Variants in PPP1R16B observed in about 807,000 individuals in gnomAD.
PPP1R16B encodes the protein protein phosphatase 1 regulatory subunit 16B.
PPP1R16B carries 14 observed loss-of-function variants against 61.7 expected under a neutral mutation model. The ratio of observed to expected loss-of-function variants is 0.23; its 90% CI spans 0.15 to 0.35. The LOEUF (loss-of-function observed/expected upper bound fraction) is 0.35, where lower values mean the gene tolerates loss of function less well. Ranked by LOEUF, PPP1R16B falls within the 10% of genes least tolerant of loss-of-function variation. The pLI is 1.00. For synonymous variants in PPP1R16B, 266 were observed against 305.3 expected (o/e 0.87, Z 1.34); for missense variants, 547 against 752.5 (o/e 0.73, Z 3.19).
At chr20:38,812,075 A>G (rs1316841204) in intron 1 of PPP1R16B, among the ~76,000 whole-genome samples, 1 of 152,224 alleles carries the variant, frequency 6.6e-6, no homozygotes, top group Non-Finnish European at 1.5e-5. Context: ...AACATTTTGA[A>G]TAGGCAGAAG....
At chr20:38,917,189 G>A (rs1169303455) in intron 10 of PPP1R16B, among the ~76,000 whole-genome samples, 4 of 151,836 alleles carry the variant, frequency 2.6e-5, no homozygotes, top group Non-Finnish European at 4.4e-5. Flanking sequence ...CCAGCTACTC[G>A]GGAGGCTGAG....
At chr20:38,860,456 G>A (rs770370593) in intron 2 of PPP1R16B, among the ~76,000 whole-genome samples, 1 of 152,226 alleles carries the variant, frequency 6.6e-6, no homozygotes, top group Non-Finnish European at 1.5e-5. Flanking sequence ...ATTCAGATTA[G>A]CCATATTTCA....
chr20:38,812,235 G>A (rs1386540468), intron 1 of PPP1R16B, among the ~76,000 whole-genome samples: 1 of 152,200 alleles, frequency 6.6e-6, no homozygotes, highest in African/African-American at 2.4e-5. Context: ...TTTTACCCAT[G>A]TAGATACAGG....
At chr20:38,846,989 G>A (rs1281298179) in intron 2 of PPP1R16B, among the ~76,000 whole-genome samples, 1 of 152,116 alleles carries the variant, frequency 6.6e-6, no homozygotes, top group Non-Finnish European at 1.5e-5. Context: ...GTAACAGAGT[G>A]AGACCCTGTC....
Position 38,855,531 on chromosome 20 carries a change from C to T in PPP1R16B, c.250+19356C>T, listed in dbSNP as rs575491827. On this transcript the variant is annotated intron_variant, in intron 2 of 10. Coordinates refer to ENST00000299824, the MANE Select transcript of PPP1R16B (RefSeq NM_015568.4). ...TTCTCCATTTGCTGCCCACGGACGC[C>T]GAAAATAACTTGTTTTCTGGCAAGC... Among the ~76,000 whole-genome samples, 258 of 152,112 alleles carry T rather than the reference C, an allele frequency of 1.7e-3. 2 individuals carry two copies. The highest frequency in any genetic ancestry group is 3.4e-3 in the Middle Eastern group (1 of 294).
Position 38,907,175 on chromosome 20 carries a change from G to C in PPP1R16B, c.898+121G>C. 1.3e-6 allele frequency: 1 copy of C among 764,400 alleles called. No individual in the cohort carries two copies. 47.4% of individuals were successfully genotyped at this position (764,400 alleles called of 1,614,324 possible). ...TGATGGATTGGTGTCTAGATAGATA[G>C]ATGGATTAATTAATGGATGGTAGAT... On this transcript the variant is annotated intron_variant, in intron 8 of 10. Coordinates refer to ENST00000299824, the MANE Select transcript of PPP1R16B (RefSeq NM_015568.4). This position sits in a 1 kb window ranked among gnomAD's most constrained non-coding sequence, Gnocchi z 4.5.
chr20:38,911,981 C>T lies in PPP1R16B; in HGVS notation c.1194+3788C>T, dbSNP rs372466709. On this transcript the variant is annotated intron_variant, in intron 10 of 10. Transcript: ENST00000299824. ...ACACCCAGGAAAGCAGCTGGAGTCACGGGTAGGCATATGTTTAGCTTTAGT... is the reference window on the plus strand; with the variant it reads ...ACACCCAGGAAAGCAGCTGGAGTCATGGGTAGGCATATGTTTAGCTTTAGT... Among the ~76,000 whole-genome samples, 8 of 152,048 alleles carry T rather than the reference C, an allele frequency of 5.3e-5. No homozygotes were observed. In the East Asian group the frequency reaches 9.6e-4, roughly 18 times the overall value.
rs7271835 is a variant in PPP1R16B, at chr20:38,871,239, C to T, written c.251-18356C>T. On this transcript the variant is annotated intron_variant, in intron 2 of 10. Transcript: ENST00000299824. ...CCAGTACCTGAGCGCACATGAACCC[C>T]GTATGCAAGAAGAAAACTGACCCCA... 3.8e-3 allele frequency among the ~76,000 whole-genome samples: 584 copies of T among 152,220 alleles called. 2 individuals are homozygous for T. The highest frequency in any genetic ancestry group is 0.014 in the South Asian group (67 of 4,826).
intron 2 of PPP1R16B, among the ~76,000 whole-genome samples, chr20:38,847,595 G>C (rs1382005009): frequency 6.6e-6 from 1 of 152,218 alleles, no homozygotes; most frequent in Non-Finnish European, 1.5e-5. Flanking sequence ...GACCTCAGGT[G>C]ATCTGCCTGC....
intron 2 of PPP1R16B, among the ~76,000 whole-genome samples, chr20:38,836,740 G>T (rs1469761245): frequency 6.6e-6 from 1 of 152,136 alleles, no homozygotes; most frequent in East Asian, 1.9e-4. Flanking sequence ...GTGTTGCCCA[G>T]GCTGGTCTCA....
chr20:38,821,502 C>T (rs182656538), intron 1 of PPP1R16B, among the ~76,000 whole-genome samples: 4 of 152,312 alleles, frequency 2.6e-5, no homozygotes, highest in Admixed American at 1.3e-4. Flanking sequence ...GGGCTATATA[C>T]ACATTGTCAG....
chr20:38,821,774 A>T (rs1347409045), intron 1 of PPP1R16B, among the ~76,000 whole-genome samples: 1 of 152,050 alleles, frequency 6.6e-6, no homozygotes, highest in Non-Finnish European at 1.5e-5. Flanking sequence ...TTTCCTTTAC[A>T]TTCTTGAGCA....
At chr20:38,812,909 T>C (rs1482445553) in intron 1 of PPP1R16B, among the ~76,000 whole-genome samples, 1 of 152,238 alleles carries the variant, frequency 6.6e-6, no homozygotes, top group Non-Finnish European at 1.5e-5. Flanking sequence ...TTTGGTTTCC[T>C]GCTAAAATGC....
At chr20:38,837,869 T>C (rs2145721259) in intron 2 of PPP1R16B, among the ~76,000 whole-genome samples, 2 of 152,334 alleles carry the variant, frequency 1.3e-5, no homozygotes, top group Middle Eastern at 6.8e-3. Flanking sequence ...ATTTTATGGA[T>C]ACCTTGTACT....
intron 6 of PPP1R16B, among the ~76,000 whole-genome samples, chr20:38,903,437 C>T (rs538136256): frequency 6.6e-6 from 1 of 152,278 alleles, no homozygotes; most frequent in South Asian, 2.1e-4. Context: ...CTCATCAGCT[C>T]CCCTGATATT....
intron 1 of PPP1R16B, among the ~76,000 whole-genome samples, chr20:38,811,403 T>C (rs6101301): frequency 0.67 from 101,079 of 151,994 alleles, 33,900 homozygotes; most frequent in African/African-American, 0.73. Flanking sequence ...TTTCTTCATC[T>C]GGAAATAAAG....
rs2084683504 is a variant in PPP1R16B, at chr20:38,809,319, C to A, written c.-102+3527C>A. ...TTTCCCCGGGGAGTCTGTGAGCAGC[C>A]ACTTAGCCTTTCTCAGCTGACTGCC... On this transcript the variant is annotated intron_variant, in intron 1 of 10. Transcript: ENST00000299824. Among the ~76,000 whole-genome samples, 4 of 152,248 alleles carry A rather than the reference C, an allele frequency of 2.6e-5. No individual in the cohort carries two copies. In the South Asian group the frequency reaches 8.3e-4, roughly 32 times the overall value.
intron 1 of PPP1R16B, among the ~76,000 whole-genome samples, chr20:38,831,819 C>T (rs6028156): frequency 0.051 from 7,722 of 152,316 alleles, 205 homozygotes; most frequent in Non-Finnish European, 0.06. Flanking sequence ...CCAACAAACA[C>T]GATGTGGATC....
In PPP1R16B at chr20:38,908,210, C is replaced by A. The variant is rs780855089; in HGVS notation, c.1194+17C>A. 4 of 1,613,920 alleles carry A rather than the reference C, an allele frequency of 2.5e-6. No homozygotes were observed. The highest frequency in any genetic ancestry group is 3.4e-6 in the Non-Finnish European group (4 of 1,179,898). On this transcript the variant is annotated intron_variant, in intron 10 of 10. Coordinates refer to ENST00000299824, the MANE Select transcript of PPP1R16B (RefSeq NM_015568.4). Reference sequence around the variant, plus strand: ...AAGGACCCTGTGAGTGGCCTCACGCCCTGCCCTAGTGTCAGCCACTGCAAT... The same window carrying A: ...AAGGACCCTGTGAGTGGCCTCACGCACTGCCCTAGTGTCAGCCACTGCAAT...
Sources: gnomAD v4.1 joint callset for allele counts (sites outside exome capture counted in the v4.1 genomes callset) on GRCh38, gnomAD v4.1.1 for gene constraint, Gnocchi (gnomAD v3.1) non-coding constraint, MANE v1.5 for transcripts, NCBI Gene and HGNC (gene_info 2026-07-23, HGNC 2026-07-21) for gene names.